CR1: variants seen among roughly 807,000 people sequenced by gnomAD.
CR1 encodes the protein complement C3b/C4b receptor 1 (Knops blood group).
Under a neutral mutation model 187.3 loss-of-function variants are expected in CR1, and 116 were observed. The ratio of observed to expected loss-of-function variants is 0.62; its 90% CI spans 0.53 to 0.72. The LOEUF (loss-of-function observed/expected upper bound fraction) is 0.72, where lower values mean the gene tolerates loss of function less well. CR1 is among the 30% of genes least tolerant of loss of function. The pLI, the probability that CR1 is intolerant of heterozygous loss-of-function variation, is 0.00. For missense variants in CR1, 1,731 were observed against 2,110.7 expected, an observed-to-expected ratio of 0.82 and a Z score of 3.52; for synonymous variants, 576 against 747.1, an observed-to-expected ratio of 0.77 and a Z score of 3.73.
At position 207,640,119 on chromosome 1, in the gene CR1, G is replaced by A. The variant is rs922435661; in HGVS notation, c.*710G>A. Reference sequence around the variant, plus strand: ...AGAAATATTTGGAAAATAAGATTTCGATATCTTCTTTTTTTTTGAGATGGA... The same window carrying A: ...AGAAATATTTGGAAAATAAGATTTCAATATCTTCTTTTTTTTTGAGATGGA... On this transcript the variant is annotated 3_prime_UTR_variant, in exon 47 of 47. Transcript: ENST00000367049. The A allele has an allele frequency of 6.6e-6, 1 of 152,106 alleles. No individual in the cohort carries two copies. The highest frequency in any genetic ancestry group is 1.9e-4 in the East Asian group (1 of 5,196). 9.4% of individuals were successfully genotyped at this position (152,106 alleles called of 1,614,324 possible).
In CR1 at chr1:207,639,813, G is replaced by C. The variant is rs1256232728; in HGVS notation, c.*404G>C. 1 of 159,042 alleles carries C rather than the reference G, an allele frequency of 6.3e-6. No individual in the cohort carries two copies. Among genetic ancestry groups the C allele is most frequent in the African/African-American group, 2.4e-5 (1 of 41,768 alleles). The allele number at this position is 159,042 out of a possible 1,614,324, so 9.9% of individuals were successfully genotyped here. Reference sequence around the variant, plus strand: ...AAGAAGAGCTTGGAAAATGCAGAAAGTTATGAAAAATAAGTCACTTATAAT... The same window carrying C: ...AAGAAGAGCTTGGAAAATGCAGAAACTTATGAAAAATAAGTCACTTATAAT... On this transcript the variant is annotated 3_prime_UTR_variant, in exon 47 of 47. Coordinates refer to ENST00000367049, the MANE Select transcript of CR1 (RefSeq NM_000651.6).
intron 44 of CR1, 101 bp from the exon 45 acceptor site, chr1:207,622,892 A>C (rs1256768175): frequency 1.3e-6 from 1 of 787,390 alleles, no homozygotes; most frequent in African/African-American, 1.8e-5. Context: ...TTAAAAAAAA[A>C]AAAGCATTGG....
chr1:207,621,901 A>G, intron 43 of CR1, 72 bp from the exon 44 acceptor site: 2 of 1,275,470 alleles, frequency 1.6e-6, no homozygotes, highest in East Asian at 2.4e-5. Flanking sequence ...ATGACTTGTC[A>G]CTGGCTGAGA....
intron 45 of CR1, 105 bp from the exon 46 acceptor site, chr1:207,630,412 A>T: frequency 1.5e-6 from 1 of 675,262 alleles, no homozygotes; most frequent in Non-Finnish European, 2.4e-6. Flanking sequence ...TCAGGAACTT[A>T]AGGCAAATAA....
At chr1:207,505,706 G>A (rs1261212933) in intron 1 of CR1, among the ~76,000 whole-genome samples, 198 bp from the exon 2 acceptor site, 2 of 151,866 alleles carry the variant, frequency 1.3e-5, no homozygotes, top group Non-Finnish European at 1.5e-5. Flanking sequence ...GTGGTGGTGG[G>A]CACCTGTAAT....
chr1:207,623,911 CTTTTTTTT>C (rs71154830), intron 45 of CR1, among the ~76,000 whole-genome samples: 2 of 52,452 alleles, frequency 3.8e-5, no homozygotes, highest in Non-Finnish European at 6.7e-5. Flanking sequence ...ACACCATTAA[CTTTTTTTT>C]TTTTTTTTTT....
intron 27 of CR1, among the ~76,000 whole-genome samples, chr1:207,572,744 G>GT (rs549997211): frequency 9.4e-5 from 14 of 149,314 alleles, no homozygotes; most frequent in South Asian, 8.7e-4. Context: ...CAAAATCAAG[G>GT]TTTTGGGAGG....
intron 28 of CR1, among the ~76,000 whole-genome samples, chr1:207,577,014 G>T (rs1216648207): frequency 6.6e-6 from 1 of 152,162 alleles, no homozygotes; most frequent in East Asian, 1.9e-4. Context: ...ACATTAGGAG[G>T]CTGAGGTGGG....
chr1:207,615,153 A>G (rs2102392265), intron 40 of CR1, among the ~76,000 whole-genome samples: 1 of 152,306 alleles, frequency 6.6e-6, no homozygotes, highest in African/African-American at 2.4e-5. Context: ...TAAACAATTT[A>G]GTCAGCTTGT....
intron 33 of CR1, among the ~76,000 whole-genome samples, chr1:207,586,078 G>A (rs1299449953): frequency 6.6e-6 from 1 of 152,090 alleles, no homozygotes; most frequent in African/African-American, 2.4e-5. Flanking sequence ...CTTACAGAAG[G>A]CTGATGGCTT....
At chr1:207,499,953 T>C (rs969342683) in intron 1 of CR1, among the ~76,000 whole-genome samples, 48 of 152,100 alleles carry the variant, frequency 3.2e-4, no homozygotes, top group Non-Finnish European at 1.2e-4. Flanking sequence ...AACAAGAAAA[T>C]GGTAGAGTTG....
At chr1:207,581,261 G>GACGTATACATATGGACACGTATATGTAT (rs1558245529) in intron 31 of CR1, among the ~76,000 whole-genome samples, 4,957 of 131,968 alleles carry the variant, frequency 0.038, 1,233 homozygotes, top group African/African-American at 0.16. Flanking sequence ...CGTATATGTA[G>GACGTATACATATGGACACGTATATGTAT]ACGTATACAT....
intron 43 of CR1, among the ~76,000 whole-genome samples, chr1:207,621,082 T>C (rs963485020): frequency 6.6e-6 from 1 of 152,184 alleles, no homozygotes; most frequent in Admixed American, 6.6e-5. Context: ...AAGACCAGCC[T>C]GGCCAACATG....
chr1:207,587,706 C>A, intron 34 of CR1, 141 bp downstream of exon 34: 1 of 685,782 alleles, frequency 1.5e-6, no homozygotes, highest in Non-Finnish European at 2.3e-6. Flanking sequence ...CGCAACCAGC[C>A]TGGGCAACAT....
chr1:207,502,104 T>C (rs1659289478), intron 1 of CR1, among the ~76,000 whole-genome samples: 1 of 152,172 alleles, frequency 6.6e-6, no homozygotes, highest in Admixed American at 6.5e-5. Context: ...TTGCAACAAA[T>C]ATGCATTGAG....
intron 4 of CR1, among the ~76,000 whole-genome samples, chr1:207,520,259 C>T (rs1001241721): frequency 1.3e-5 from 2 of 152,204 alleles, no homozygotes; most frequent in African/African-American, 4.8e-5. Context: ...ACAACTGCCT[C>T]CTGGTGACCA....
intron 25 of CR1, 127 bp downstream of exon 25, chr1:207,568,169 A>G (rs1340093518): frequency 7.4e-6 from 11 of 1,493,622 alleles, no homozygotes; most frequent in African/African-American, 1.5e-5. Flanking sequence ...TGCCAAACCA[A>G]TGATAGATGG....
chr1:207,607,154 C>A, intron 35 of CR1, 97 bp from the exon 36 acceptor site: 1 of 941,744 alleles, frequency 1.1e-6, no homozygotes, highest in Non-Finnish European at 1.7e-6. Flanking sequence ...TGTAATCTGT[C>A]CTGTAATGTC....
At chr1:207,633,334 T>G (rs1216034605) in intron 46 of CR1, among the ~76,000 whole-genome samples, 1 of 152,214 alleles carries the variant, frequency 6.6e-6, no homozygotes, top group Non-Finnish European at 1.5e-5. Flanking sequence ...AATATAAAAA[T>G]TACCTGCAAT....
Sources: allele counts gnomAD v4.1 joint callset (sites outside exome capture counted in the v4.1 genomes callset), GRCh38; gene constraint gnomAD v4.1.1; transcripts MANE v1.5; gene names NCBI Gene and HGNC (gene_info 2026-07-23, HGNC 2026-07-21).